Variants in FANCB observed in about 807,000 individuals in gnomAD.
The protein encoded by FANCB is FA complementation group B.
A neutral mutation model predicts 38.9 loss-of-function variants in FANCB; 5 were observed. The observed-to-expected ratio is 0.13, with a 90% confidence interval of 0.07 to 0.27. FANCB has a LOEUF of 0.27. Among genes scored for constraint, FANCB ranks in the 10% least tolerant of loss-of-function variants. FANCB has a pLI of 1.00. For synonymous variants in FANCB, 236 were observed against 215.4 expected (o/e 1.10, Z -0.84); for missense variants, 573 against 602.7 (o/e 0.95, Z 0.52).
At chrX:14,728,476 G>T in the FANCB span, among the ~76,000 whole-genome samples, 3 of 112,024 alleles carry the variant, frequency 2.7e-5, no homozygotes, top group African/African-American at 9.7e-5. Context: ...AATGTATCAA[G>T]CAAATGAGGT....
At chrX:14,766,261 CTT>C in the FANCB span, among the ~76,000 whole-genome samples, 10 of 112,255 alleles carry the variant, frequency 8.9e-5, no homozygotes, top group African/African-American at 2.6e-4. Context: ...GTCTATGGCT[CTT>C]TGATTTATTC....
intron 10 of FANCB, among the ~76,000 whole-genome samples, chrX:14,837,896 A>G (rs1303112919): frequency 8.9e-6 from 1 of 112,073 alleles, no homozygotes; most frequent in Non-Finnish European, 1.9e-5. Context: ...ATCGATAAAC[A>G]GAGTTAGTTA....
the FANCB span, among the ~76,000 whole-genome samples, chrX:14,715,325 T>C: frequency 1.8e-5 from 2 of 112,388 alleles, no homozygotes; most frequent in Non-Finnish European, 3.8e-5. Context: ...ATAAGCCATA[T>C]GGTAAATAAG....
Position 14,861,322 on chromosome X carries a change from T to C in FANCB, c.952-1988A>G, listed in dbSNP as rs777453109. On this transcript the variant is annotated intron_variant, in intron 3 of 9. Coordinates refer to ENST00000650831, the MANE Select transcript of FANCB (RefSeq NM_001018113.3). ...AGATTCAGCTCTGTTTCAAGTCCTATTACCACATTAAACATCATGCCTCGG... is the reference window on the plus strand; with the variant it reads ...AGATTCAGCTCTGTTTCAAGTCCTACTACCACATTAAACATCATGCCTCGG... Among the ~76,000 whole-genome samples the C allele has an allele frequency of 6.2e-5, 7 of 112,425 alleles. No individual in the cohort carries two copies. In the East Asian group the frequency reaches 1.4e-3, roughly 22 times the overall value.
the FANCB span, among the ~76,000 whole-genome samples, chrX:14,786,039 T>C: frequency 8.9e-6 from 1 of 111,978 alleles, no homozygotes; most frequent in Non-Finnish European, 1.9e-5. Context: ...TTCACCACCA[T>C]GGCCTCAGCT....
At chrX:14,848,617 A>AT (rs2092387244) in intron 7 of FANCB, among the ~76,000 whole-genome samples, 1 of 111,818 alleles carries the variant, frequency 8.9e-6, no homozygotes. Flanking sequence ...CTTGCTAATC[A>AT]TAGGTTATCG....
At chrX:14,770,234 G>A in the FANCB span, among the ~76,000 whole-genome samples, 1 of 112,047 alleles carries the variant, frequency 8.9e-6, no homozygotes, top group African/African-American at 3.2e-5. Flanking sequence ...AATATTGTCA[G>A]TGGGGTGTTA....
chrX:14,823,498 A>C, the FANCB span, among the ~76,000 whole-genome samples: 3 of 112,088 alleles, frequency 2.7e-5, no homozygotes, highest in East Asian at 8.4e-4. Context: ...TTTACCTGGA[A>C]TGTTCAGTCC....
the FANCB span, among the ~76,000 whole-genome samples, chrX:14,709,543 A>G: frequency 8.9e-6 from 1 of 112,313 alleles, no homozygotes; most frequent in African/African-American, 3.2e-5. Context: ...CATTTTATCC[A>G]TAATTTTCCA....
chrX:14,808,107 T>A, the FANCB span, among the ~76,000 whole-genome samples: 5 of 111,863 alleles, frequency 4.5e-5, no homozygotes, highest in Admixed American at 4.7e-4. Flanking sequence ...CAAGACCCAG[T>A]GGCTTCACTG....
At chrX:14,814,152 T>G in the FANCB span, among the ~76,000 whole-genome samples, 3 of 111,426 alleles carry the variant, frequency 2.7e-5, no homozygotes, top group African/African-American at 9.8e-5. Flanking sequence ...ATCCCTTCCT[T>G]ACACCTTATA....
At chrX:14,693,152 T>C in the FANCB span, among the ~76,000 whole-genome samples, 2 of 108,390 alleles carry the variant, frequency 1.8e-5, no homozygotes, top group South Asian at 7.6e-4. Flanking sequence ...TAAAGAAAAA[T>C]AGAATAAATA....
the FANCB span, among the ~76,000 whole-genome samples, chrX:14,747,272 C>T: frequency 8.0e-5 from 9 of 112,556 alleles, no homozygotes; most frequent in African/African-American, 2.3e-4. Flanking sequence ...TATGACTCAA[C>T]AGGTAAGTCT....
At chrX:14,730,386 G>A in the FANCB span, 9 of 1,203,769 alleles carry the variant, frequency 7.5e-6, no homozygotes, top group South Asian at 1.8e-5. Context: ...GGATTGACAC[G>A]ATATCTCGAG....
At chrX:14,696,895 T>C in the FANCB span, among the ~76,000 whole-genome samples, 1 of 112,156 alleles carries the variant, frequency 8.9e-6, no homozygotes, top group Non-Finnish European at 1.9e-5. Flanking sequence ...ATTCAGAACA[T>C]AATGTTTTAT....
At chrX:14,776,455 T>G in the FANCB span, among the ~76,000 whole-genome samples, 3 of 111,648 alleles carry the variant, frequency 2.7e-5, no homozygotes, top group Non-Finnish European at 5.6e-5. Flanking sequence ...CGAACCTCTC[T>G]GGGCCTCCGT....
At chrX:14,785,617 T>G in the FANCB span, among the ~76,000 whole-genome samples, 7 of 112,166 alleles carry the variant, frequency 6.2e-5, no homozygotes, top group East Asian at 2.0e-3. Context: ...CAAAATCCAG[T>G]AGCACAATCC....
the FANCB span, among the ~76,000 whole-genome samples, chrX:14,776,445 C>T: frequency 9.0e-6 from 1 of 111,367 alleles, no homozygotes; most frequent in East Asian, 2.8e-4. Flanking sequence ...AATTTGTGCC[C>T]GAACCTCTCT....
chrX:14,827,190 T>C, the FANCB span, among the ~76,000 whole-genome samples: 1 of 111,846 alleles, frequency 8.9e-6, no homozygotes, highest in South Asian at 3.6e-4. Flanking sequence ...GCTTTTCTTT[T>C]TCAGAGTTTT....
Sources: allele counts gnomAD v4.1 joint callset (sites outside exome capture counted in the v4.1 genomes callset), GRCh38; gene constraint gnomAD v4.1.1; transcripts MANE v1.5; gene names NCBI Gene and HGNC (gene_info 2026-07-23, HGNC 2026-07-21).